TG: variants seen among roughly 807,000 people sequenced by gnomAD.
The protein encoded by TG is thyroglobulin.
TG carries 270 observed loss-of-function variants against 324.7 expected under a neutral mutation model. That is an observed-to-expected ratio of 0.83 (90% CI 0.75 to 0.92). The LOEUF is 0.92. TG is among the 40% of genes least tolerant of loss of function. TG has a pLI of 0.00. For synonymous variants in TG, 1,401 were observed against 1,327.0 expected, an observed-to-expected ratio of 1.06 and a Z score of -1.21; for missense variants, 3,591 against 3,456.4, an observed-to-expected ratio of 1.04 and a Z score of -0.98.
intron 41 of TG, among the ~76,000 whole-genome samples, chr8:133,093,186 C>G (rs4236898): frequency 6.6e-6 from 1 of 151,018 alleles, no homozygotes; most frequent in African/African-American, 2.4e-5. Flanking sequence ...TTAAAAAAAG[C>G]TGCCCTGCTC....
intron 18 of TG, 83 bp downstream of exon 18, chr8:132,908,423 CACAGAGG>C: frequency 8.5e-7 from 1 of 1,173,850 alleles, no homozygotes. Context: ...CTCACATTAA[CACAGAGG>C]CTGGAGACAG....
intron 41 of TG, chr8:133,050,077 GAC>G (rs1840120299): frequency 2.3e-6 from 2 of 884,216 alleles, no homozygotes; most frequent in Non-Finnish European, 3.8e-6. Flanking sequence ...TTTAACCCAG[GAC>G]AGTTTGGAAC....
chr8:133,011,856 A>G (rs1564070946), intron 35 of TG, 45 bp from the exon 36 acceptor site: 2 of 1,613,832 alleles, frequency 1.2e-6, no homozygotes, highest in Non-Finnish European at 1.7e-6. Context: ...TTTGTTACTC[A>G]CCAGGTGACA....
intron 22 of TG, among the ~76,000 whole-genome samples, chr8:132,923,827 A>G (rs996755955): frequency 2.0e-5 from 3 of 152,086 alleles, no homozygotes; most frequent in Non-Finnish European, 4.4e-5. Context: ...GGAGGCCTCC[A>G]TTCTTCTAGG....
At chr8:133,039,979 A>T in intron 41 of TG, 1 of 833,428 alleles carries the variant, frequency 1.2e-6, no homozygotes, top group Non-Finnish European at 1.5e-6. Context: ...ACACACACAC[A>T]TACACACACC....
chr8:132,919,780 A>G (rs1820863984), intron 21 of TG, among the ~76,000 whole-genome samples: 1 of 152,194 alleles, frequency 6.6e-6, no homozygotes, highest in African/African-American at 2.4e-5. Flanking sequence ...GGGAGAGCAA[A>G]ATTGCCTACC....
At chr8:132,905,446 T>C (rs1214476192) in intron 16 of TG, among the ~76,000 whole-genome samples, 2 of 152,192 alleles carry the variant, frequency 1.3e-5, no homozygotes, top group Non-Finnish European at 2.9e-5. Flanking sequence ...TCATTCTTCC[T>C]CTTTGAAGCC....
intron 43 of TG, chr8:133,102,643 T>C (rs987053915): frequency 7.4e-7 from 1 of 1,344,826 alleles, no homozygotes; most frequent in Non-Finnish European, 1.0e-6. Flanking sequence ...AAATTCTTCA[T>C]CAGTCGCTGT....
At chr8:132,952,430 G>A (rs951319657) in intron 27 of TG, among the ~76,000 whole-genome samples, 3 of 152,176 alleles carry the variant, frequency 2.0e-5, no homozygotes, top group African/African-American at 4.8e-5. Context: ...AGATTACTGA[G>A]TGAAGTGCTG....
chr8:133,057,462 C>T (rs1018729278), intron 41 of TG, among the ~76,000 whole-genome samples: 1 of 152,216 alleles, frequency 6.6e-6, no homozygotes, highest in Non-Finnish European at 1.5e-5. Flanking sequence ...TTAGATATAA[C>T]CTGGTGCAGT....
chr8:133,076,858 G>A (rs1470465797), intron 41 of TG: 1 of 151,698 alleles, frequency 6.6e-6, no homozygotes, highest in Non-Finnish European at 1.5e-5. Context: ...TTGGTGCAAA[G>A]TGTGGGTCAC....
At chr8:133,026,036 G>T (rs999677932) in intron 40 of TG, among the ~76,000 whole-genome samples, 1 of 152,164 alleles carries the variant, frequency 6.6e-6, no homozygotes, top group South Asian at 2.1e-4. Context: ...TTTATTCCCT[G>T]CTTCTTCCCT....
Position 132,871,591 on chromosome 8 carries a change from G to A in TG, c.478+40G>A, listed in dbSNP as rs189515583. 7.8e-4 allele frequency: 1,242 copies of A among 1,597,906 alleles called. 10 individuals are homozygous for A. In the African/African-American group the frequency reaches 0.014, roughly 19 times the overall value. ...GCGCCTGCACCCCTAGAGCTGGGGA[G>A]GGGCTGAAGCTTTCCTCACTGCGAT... On this transcript the variant is annotated intron_variant, in intron 4 of 47. Coordinates refer to ENST00000220616, the MANE Select transcript of TG (RefSeq NM_003235.5).
At chr8:132,875,850 C>T (rs145270448) in intron 5 of TG, among the ~76,000 whole-genome samples, 7 of 152,184 alleles carry the variant, frequency 4.6e-5, no homozygotes, top group Non-Finnish European at 8.8e-5. Flanking sequence ...AGGGATTTTC[C>T]GATACTTAAG....
intron 41 of TG, among the ~76,000 whole-genome samples, chr8:133,094,067 C>T (rs4548165): frequency 0.064 from 9,796 of 152,090 alleles, 532 homozygotes; most frequent in South Asian, 0.19. Context: ...GTCTGAGCTA[C>T]GGGGAGCCCC....
chr8:132,899,549 G>C (rs1287007260), intron 14 of TG, among the ~76,000 whole-genome samples: 1 of 152,210 alleles, frequency 6.6e-6, no homozygotes, highest in Non-Finnish European at 1.5e-5. Context: ...TCATGAAACT[G>C]TACAGTACTA....
At chr8:132,974,183 G>A (rs1414895489) in intron 34 of TG, among the ~76,000 whole-genome samples, 1 of 151,834 alleles carries the variant, frequency 6.6e-6, no homozygotes, top group Non-Finnish European at 1.5e-5. Context: ...CAGTAGAGAT[G>A]GGATTTCACC....
chr8:132,903,385 A>G (rs1818206578), intron 16 of TG, among the ~76,000 whole-genome samples: 1 of 152,230 alleles, frequency 6.6e-6, no homozygotes, highest in African/African-American at 2.4e-5. Flanking sequence ...CGGGCCTGGC[A>G]GGCCACTCCT....
At position 132,898,878 on chromosome 8, in the gene TG, C is replaced by G. The variant is rs1817520124; in HGVS notation, c.3298C>G (p.Pro1100Ala). 1.9e-6 allele frequency: 3 copies of G among 1,614,216 alleles called. No individual in the cohort carries two copies. Among genetic ancestry groups the G allele is most frequent in the South Asian group, 1.1e-5 (1 of 91,074 alleles). ...GGCTAGATCCCAAGAAAACCCATCTCCAAAAGACCTGTTCGTCCCAGCCTG... is the reference window on the plus strand; with the variant it reads ...GGCTAGATCCCAAGAAAACCCATCTGCAAAAGACCTGTTCGTCCCAGCCTG... The part of the protein sequence containing the change: ...KQARSQENPS[P>A]KDLFVPACLE... The change falls in exon 14 of 48, where the codon CCA becomes GCA. Residue 1100 changes from proline to alanine, a missense_variant. By Grantham distance (27) the Pro-to-Ala change is conservative. Transcript: ENST00000220616.
Sources: gnomAD v4.1 joint callset for allele counts (sites outside exome capture counted in the v4.1 genomes callset) on GRCh38, gnomAD v4.1.1 for gene constraint, MANE v1.5 for transcripts, NCBI Gene and HGNC (gene_info 2026-07-23, HGNC 2026-07-21) for gene names.